Variants in ANO1 observed in about 807,000 individuals in gnomAD.
ANO1 encodes the protein anoctamin 1.
A neutral mutation model predicts 124.0 loss-of-function variants in ANO1; 59 were observed. The ratio of observed to expected loss-of-function variants is 0.48; its 90% confidence interval spans 0.39 to 0.59. The LOEUF (loss-of-function observed/expected upper bound fraction) is 0.59, where lower values mean the gene tolerates loss of function less well. Among genes scored for constraint, ANO1 ranks in the 20% least tolerant of loss-of-function variants. The probability of loss-of-function intolerance (pLI) is 0.00; values close to 1 mark genes in which losing one functional copy is unlikely to be tolerated. For synonymous variants in ANO1, 529 were observed against 532.0 expected, an observed-to-expected ratio of 0.99 and a Z score of 0.08; for missense variants, 1,059 against 1,328.0, an observed-to-expected ratio of 0.80 and a Z score of 3.15.
At chr11:70,138,347 GA>G (rs1172492820) in intron 11 of ANO1, among the ~76,000 whole-genome samples, 1,554 of 43,178 alleles carry the variant, frequency 0.036, 39 homozygotes, top group African/African-American at 0.099. Flanking sequence ...TTCCATCTCA[GA>G]AAAAAAAAAA....
chr11:70,134,139 C>T (rs1331334923), intron 11 of ANO1, among the ~76,000 whole-genome samples: 2 of 152,346 alleles, frequency 1.3e-5, no homozygotes, highest in East Asian at 1.9e-4. Flanking sequence ...CGAGGCACCT[C>T]GCTGCAGCCC....
chr11:70,035,067 G>T (rs1857071159), intron 1 of ANO1, among the ~76,000 whole-genome samples: 1 of 152,068 alleles, frequency 6.6e-6, no homozygotes, highest in African/African-American at 2.4e-5. Context: ...AGGACCAGGG[G>T]TGCAGTGGTA....
At chr11:69,986,621 T>C (rs1554996909) in intron 1 of ANO1, among the ~76,000 whole-genome samples, 3 of 152,092 alleles carry the variant, frequency 2.0e-5, no homozygotes, top group Non-Finnish European at 1.5e-5. Context: ...TGATATAAAG[T>C]CACTACTATG....
At chr11:70,059,709 G>T (rs992483409) in intron 1 of ANO1, among the ~76,000 whole-genome samples, 8 of 152,154 alleles carry the variant, frequency 5.3e-5, no homozygotes, top group Non-Finnish European at 1.0e-4. Flanking sequence ...GAAGGAGGAG[G>T]TGGGTAAGCC....
intron 25 of ANO1, among the ~76,000 whole-genome samples, chr11:70,186,693 A>T (rs1413933103): frequency 6.6e-6 from 1 of 152,148 alleles, no homozygotes; most frequent in Non-Finnish European, 1.5e-5. Context: ...CACCGCCAAG[A>T]TTCTGCTCGC....
intron 11 of ANO1, among the ~76,000 whole-genome samples, chr11:70,147,370 G>A (rs372045287): frequency 1.3e-5 from 2 of 152,198 alleles, no homozygotes; most frequent in Non-Finnish European, 2.9e-5. Flanking sequence ...CCGCAGACAG[G>A]CTGCTCCCAC....
chr11:70,161,282 C>T lies in ANO1; in HGVS notation c.1700C>T (p.Thr567Ile). 1 of 1,613,940 alleles carries T rather than the reference C, an allele frequency of 6.2e-7. No homozygotes were observed. The highest frequency in any genetic ancestry group is 8.5e-7 in the Non-Finnish European group (1 of 1,179,798). ...AACATCCGGGTCACAGTCACAGCCA[C>T]CGCAGTCATCATCAACCTAGTGGTC... is the stretch of plus-strand genomic sequence containing the variant. ...RSNIRVTVTATAVIINLVVII... is the reference protein window; with the variant it reads ...RSNIRVTVTAIAVIINLVVII... The change falls in exon 17 of 26, where the codon ACC becomes ATC. Residue 567 changes from threonine (T) to isoleucine (I), a missense_variant. This residue lies in a region of ANO1 where 809 missense variants were observed against 1,094.9 expected (regional missense o/e 0.74). Transcript: ENST00000355303.
At chr11:70,062,723 G>A (rs1555007938) in intron 1 of ANO1, among the ~76,000 whole-genome samples, 1 of 152,186 alleles carries the variant, frequency 6.6e-6, no homozygotes, top group East Asian at 1.9e-4. Flanking sequence ...AAACCTGCCT[G>A]TCCTCTGGGC....
chr11:70,041,746 C>T (rs1468721336), intron 1 of ANO1, among the ~76,000 whole-genome samples: 1 of 152,050 alleles, frequency 6.6e-6, no homozygotes, highest in East Asian at 1.9e-4. Context: ...AGTAATCCTG[C>T]TGTACTTCCT....
chr11:70,047,080 C>CAAAAAAAAAAAAA (rs10660510), intron 1 of ANO1, among the ~76,000 whole-genome samples: 1 of 73,890 alleles, frequency 1.4e-5, no homozygotes, highest in African/African-American at 4.1e-5. Context: ...GACTCTGTCT[C>CAAAAAAAAAAAAA]AAAAAAAAAA....
chr11:70,177,258 G>A (rs2048739244), intron 22 of ANO1, among the ~76,000 whole-genome samples: 1 of 152,258 alleles, frequency 6.6e-6, no homozygotes, highest in South Asian at 2.1e-4. Context: ...CCCCACTTCG[G>A]AGGTCTCAAA....
chr11:70,010,177 G>GTATATATATA (rs1168022913), intron 1 of ANO1, among the ~76,000 whole-genome samples: 1 of 54,498 alleles, frequency 1.8e-5, no homozygotes, highest in Admixed American at 2.1e-4. Context: ...GCGTGTGTGT[G>GTATATATATA]TGTATATATA....
intron 21 of ANO1, chr11:70,170,165 C>T (rs931704789): frequency 8.8e-6 from 4 of 455,942 alleles, no homozygotes; most frequent in African/African-American, 6.0e-5. Flanking sequence ...TTCAGCCATG[C>T]AGGCAGGTCC....
intron 1 of ANO1, among the ~76,000 whole-genome samples, chr11:70,017,769 C>T (rs1856728491): frequency 6.6e-6 from 1 of 152,054 alleles, no homozygotes; most frequent in Non-Finnish European, 1.5e-5. Flanking sequence ...ATCCTCCCAC[C>T]TCAGCCACCC....
rs763659169 is a variant in ANO1, at chr11:70,167,345, C to G, written c.2155C>G (p.Leu719Val). The G allele has an allele frequency of 3.7e-6, 6 of 1,613,636 alleles. No individual in the cohort carries two copies. Among genetic ancestry groups the G allele is most frequent in the Non-Finnish European group, 5.1e-6 (6 of 1,179,776 alleles). Residue 719 changes from leucine to valine, a missense_variant, in exon 21 of 26, where the codon CTG (leucine) becomes GTG (valine). Physicochemically the swap from Leu to Val is conservative, Grantham distance 32. Coordinates refer to ENST00000355303, the MANE Select transcript of ANO1 (RefSeq NM_018043.7). The part of the protein sequence containing the change: ...RKQRYEVDYN[L>V]EPFAGLTPEY... ...ACAGCGGTACGAGGTGGATTACAAC[C>G]TGGAGCCCTTCGCGGGCCTCACCCC...
At position 70,038,002 on chromosome 11, in the gene ANO1, C is replaced by T. The variant is rs544586074; in HGVS notation, c.59-40540C>T. Among the ~76,000 whole-genome samples the T allele has an allele frequency of 2.0e-5, 3 of 152,158 alleles. No individual in the cohort carries two copies. The South Asian group carries it at 6.2e-4, about 32-fold the overall frequency. On this transcript the variant is annotated intron_variant, in intron 1 of 27. Coordinates refer to the ANO1 transcript ENST00000531349. ...AGCATGAGGATTAAAACGTGACTGTCGTGGCCAGTCGCAGTGGCTCATGCC... is the reference window on the plus strand; with the variant it reads ...AGCATGAGGATTAAAACGTGACTGTTGTGGCCAGTCGCAGTGGCTCATGCC...
rs181369287 is a variant in ANO1, at chr11:70,103,983, C to T, written c.541-16C>T. 6.2e-7 allele frequency: 1 copy of T among 1,609,630 alleles called. No individual in the cohort carries two copies. Among genetic ancestry groups the T allele is most frequent in the South Asian group, 1.1e-5 (1 of 90,024 alleles). Reference sequence around the variant, plus strand: ...GCAGGGTGACGCAGCTCCCCGGTCCCTTGTCTTATCTGCAGATGTACCACA... The same window carrying T: ...GCAGGGTGACGCAGCTCCCCGGTCCTTTGTCTTATCTGCAGATGTACCACA... On this transcript the variant is annotated splice_polypyrimidine_tract_variant and intron_variant, in intron 3 of 25. Coordinates refer to ENST00000355303, the MANE Select transcript of ANO1 (RefSeq NM_018043.7).
At chr11:70,116,674 G>A (rs773353499) in intron 8 of ANO1, 175 bp downstream of exon 8, 14 of 591,816 alleles carry the variant, frequency 2.4e-5, no homozygotes, top group Admixed American at 3.1e-5. Context: ...AGAAAAGTCC[G>A]TGAGCTTTGT....
chr11:69,984,093 T>C (rs1274933022), upstream of ANO1, among the ~76,000 whole-genome samples: 1 of 152,234 alleles, frequency 6.6e-6, no homozygotes, highest in African/African-American at 2.4e-5. Flanking sequence ...ATTTTCTCTG[T>C]GTATTTACAT....
Sources: gnomAD v4.1 joint callset for allele counts (sites outside exome capture counted in the v4.1 genomes callset) on GRCh38, gnomAD v4.1.1 for gene constraint, gnomAD v4.1.1 regional missense constraint, MANE v1.5 for transcripts, NCBI Gene and HGNC (gene_info 2026-07-23, HGNC 2026-07-21) for gene names.